Variants in MTA3 observed in about 807,000 individuals in gnomAD.
MTA3 encodes metastasis-associated protein MTA3.
In MTA3, 34 loss-of-function variants were observed where a neutral mutation model predicts 83.5. The observed-to-expected ratio is 0.41, with a 90% confidence interval of 0.31 to 0.54. The LOEUF is 0.54. MTA3 is among the 20% of genes least tolerant of loss of function. MTA3 has a pLI of 0.33. For missense variants in MTA3, 761 were observed against 726.4 expected (o/e 1.05, Z -0.55); for synonymous variants, 303 against 252.7 (o/e 1.20, Z -1.89).
At chr2:42,729,667 C>T (rs933110113) in intron 16 of MTA3, among the ~76,000 whole-genome samples, 1 of 152,024 alleles carries the variant, frequency 6.6e-6, no homozygotes, top group Admixed American at 6.6e-5. Context: ...GTTTTTATGC[C>T]AGTACCATGC....
intron 2 of MTA3, among the ~76,000 whole-genome samples, chr2:42,525,704 C>A (rs572854592): frequency 1.3e-5 from 2 of 151,580 alleles, no homozygotes; most frequent in African/African-American, 4.8e-5. Context: ...CTCATCCAGG[C>A]AGGAGCACAG....
At chr2:42,691,006 A>G (rs1485959097) in intron 9 of MTA3, among the ~76,000 whole-genome samples, 2 of 151,736 alleles carry the variant, frequency 1.3e-5, no homozygotes, top group Non-Finnish European at 2.9e-5. Context: ...CCTCCCAAGT[A>G]GCTGGGACTA....
intron 14 of MTA3, among the ~76,000 whole-genome samples, chr2:42,712,571 G>A (rs906184015): frequency 2.0e-5 from 3 of 152,050 alleles, no homozygotes; most frequent in Non-Finnish European, 2.9e-5. Context: ...ATAAATCCAT[G>A]CCAAAAGTTA....
At chr2:42,588,818 A>G (rs1487865081) in intron 3 of MTA3, among the ~76,000 whole-genome samples, 2 of 138,698 alleles carry the variant, frequency 1.4e-5, no homozygotes, top group Non-Finnish European at 3.1e-5. Flanking sequence ...ATATATATAT[A>G]TGCTATATAA....
At chr2:42,510,337 G>A (rs1197160048) in intron 2 of MTA3, among the ~76,000 whole-genome samples, 2 of 146,744 alleles carry the variant, frequency 1.4e-5, no homozygotes, top group Non-Finnish European at 3.0e-5. Context: ...AAAAAGCACA[G>A]CAGAAATCCT....
intron 4 of MTA3, among the ~76,000 whole-genome samples, chr2:42,637,153 G>A (rs1687282051): frequency 6.6e-6 from 1 of 152,184 alleles, no homozygotes; most frequent in South Asian, 2.1e-4. Flanking sequence ...CTCTGAAACA[G>A]ATTATACTTT....
intron 2 of MTA3, among the ~76,000 whole-genome samples, chr2:42,508,768 TATAA>T (rs1674757929): frequency 6.8e-6 from 1 of 147,252 alleles, no homozygotes; most frequent in Non-Finnish European, 1.5e-5. Context: ...TATAGTATTA[TATAA>T]TATATTTAAT....
At chr2:42,732,025 C>T (rs1346746321) in intron 16 of MTA3, among the ~76,000 whole-genome samples, 1 of 152,192 alleles carries the variant, frequency 6.6e-6, no homozygotes, top group African/African-American at 2.4e-5. Flanking sequence ...GTCTCATATC[C>T]AGGTCATGCT....
intron 4 of MTA3, among the ~76,000 whole-genome samples, chr2:42,616,991 C>T (rs1405012076): frequency 6.6e-6 from 1 of 151,976 alleles, no homozygotes; most frequent in East Asian, 1.9e-4. Context: ...TCTGAGTCAA[C>T]CTCGGACTTT....
At chr2:42,605,772 T>A (rs1165498772) in intron 3 of MTA3, among the ~76,000 whole-genome samples, 9 of 108,048 alleles carry the variant, frequency 8.3e-5, no homozygotes, top group East Asian at 3.2e-4. Flanking sequence ...GGCTCCTCAC[T>A]TCCCAGAAGG....
At chr2:42,717,670 T>G (rs1003276818) in intron 14 of MTA3, among the ~76,000 whole-genome samples, 3 of 152,220 alleles carry the variant, frequency 2.0e-5, no homozygotes, top group Non-Finnish European at 4.4e-5. Context: ...AGGTAGCCTT[T>G]TAAATCTCAG....
chr2:42,748,702 G>C (rs1669632579), intron 16 of MTA3, among the ~76,000 whole-genome samples: 1 of 151,798 alleles, frequency 6.6e-6, no homozygotes, highest in Admixed American at 6.6e-5. Flanking sequence ...TTTTTCTTTT[G>C]ATTACGGGTT....
intron 2 of MTA3, among the ~76,000 whole-genome samples, chr2:42,559,501 C>CAA (rs543291273): frequency 9.4e-5 from 10 of 106,654 alleles, no homozygotes; most frequent in South Asian, 3.1e-4. Flanking sequence ...GACCTTGTCT[C>CAA]AAAAAAAAAA....
At chr2:42,610,163 A>G (rs1381553999) in intron 4 of MTA3, among the ~76,000 whole-genome samples, 1 of 152,236 alleles carries the variant, frequency 6.6e-6, no homozygotes, top group Non-Finnish European at 1.5e-5. Context: ...TGATTTGAAT[A>G]TCTTTTCAGA....
intron 2 of MTA3, among the ~76,000 whole-genome samples, chr2:42,508,801 ATT>A (rs1674761310): frequency 6.8e-6 from 1 of 147,044 alleles, no homozygotes; most frequent in African/African-American, 2.5e-5. Flanking sequence ...GATTAAATAT[ATT>A]GTAAATTATA....
intron 9 of MTA3, among the ~76,000 whole-genome samples, chr2:42,691,396 AACTT>A (rs1692888146): frequency 6.6e-6 from 1 of 152,070 alleles, no homozygotes; most frequent in Admixed American, 6.6e-5. Flanking sequence ...CCCCCCCTAA[AACTT>A]AATAATTAGA....
intron 4 of MTA3, among the ~76,000 whole-genome samples, chr2:42,625,005 G>A (rs1218423080): frequency 6.6e-6 from 1 of 152,054 alleles, no homozygotes; most frequent in African/African-American, 2.4e-5. Flanking sequence ...ATACACCATT[G>A]TAATTTGAAG....
chr2:42,534,554 GCCACCGCACT>G (rs1425523567), intron 2 of MTA3, among the ~76,000 whole-genome samples: 1 of 151,978 alleles, frequency 6.6e-6, no homozygotes, highest in Non-Finnish European at 1.5e-5. Context: ...CCAAGATCGA[GCCACCGCACT>G]CCAGCCTGGG....
intron 2 of MTA3, among the ~76,000 whole-genome samples, chr2:42,506,808 T>C (rs1046585811): frequency 6.6e-6 from 1 of 151,872 alleles, no homozygotes; most frequent in Non-Finnish European, 1.5e-5. Context: ...GGTTTCACCA[T>C]GTTGGCCAGG....
Sources: gnomAD v4.1 joint callset for allele counts (sites outside exome capture counted in the v4.1 genomes callset) on GRCh38, gnomAD v4.1.1 for gene constraint, MANE v1.5 for transcripts, NCBI Gene and HGNC (gene_info 2026-07-23, HGNC 2026-07-21) for gene names.